The following TPRG1 variants were observed in gnomAD, a reference collection of about 807,000 sequenced individuals.
TPRG1 encodes tumor protein p63-regulated gene 1 protein.
In TPRG1, 29 loss-of-function variants were observed where a neutral mutation model predicts 29.3. That is an observed-to-expected ratio of 0.99 (90% CI 0.74 to 1.35). The LOEUF (loss-of-function observed/expected upper bound fraction) is 1.35. Ranked by LOEUF, TPRG1 falls within the 40% of genes most tolerant of loss-of-function variation. The probability of loss-of-function intolerance (pLI) is 0.00; values close to 1 mark genes in which losing one functional copy is unlikely to be tolerated. For synonymous variants in TPRG1, 130 were observed against 116.8 expected (o/e 1.11, Z -0.73); for missense variants, 327 against 335.0 (o/e 0.98, Z 0.19).
chr3:189,153,492 T>TGTGGCC (rs1365131705), intron 5 of TPRG1, among the ~76,000 whole-genome samples: 2 of 152,094 alleles, frequency 1.3e-5, no homozygotes, highest in African/African-American at 4.8e-5. Context: ...AGGCAAGGTA[T>TGTGGCC]CTTGGATTTG....
rs548635519 is a variant in TPRG1 at position 189,157,499 on chromosome 3, G to C, written c.-10+6627G>C. Among the ~76,000 whole-genome samples, 15 of 152,256 alleles carry C rather than the reference G, an allele frequency of 9.9e-5. No individual in the cohort carries two copies. In the East Asian group the frequency reaches 1.4e-3, roughly 14 times the overall value. Reference sequence around the variant, plus strand: ...TCAAGTGCCAGGAACTCAGTGAGGGGCACTCTCCTTCTGACTTGGAGCTCT... The same window carrying C: ...TCAAGTGCCAGGAACTCAGTGAGGGCCACTCTCCTTCTGACTTGGAGCTCT... On this transcript the variant is annotated intron_variant, in intron 5 of 6. Coordinates refer to the TPRG1 transcript ENST00000412373.
intron 4 of TPRG1, among the ~76,000 whole-genome samples, chr3:189,241,462 T>G (rs1361380682): frequency 6.6e-6 from 1 of 152,156 alleles, no homozygotes; most frequent in Non-Finnish European, 1.5e-5. Flanking sequence ...ATTTTTTTCT[T>G]ATTGATTTGT....
chr3:189,283,481 TC>T (rs1440600779), intron 4 of TPRG1, among the ~76,000 whole-genome samples: 1 of 152,268 alleles, frequency 6.6e-6, no homozygotes, highest in African/African-American at 2.4e-5. Context: ...AATTTTTGAT[TC>T]TGTGATATCA....
intron 5 of TPRG1, among the ~76,000 whole-genome samples, chr3:189,158,977 A>G (rs57473767): frequency 0.13 from 20,115 of 151,074 alleles, 1,751 homozygotes; most frequent in African/African-American, 0.25. Flanking sequence ...AGACAAAGGC[A>G]ATTTTCCTCT....
At chr3:189,288,224 AAATG>A (rs1381994712) in intron 4 of TPRG1, among the ~76,000 whole-genome samples, 1 of 152,172 alleles carries the variant, frequency 6.6e-6, no homozygotes, top group African/African-American at 2.4e-5. Flanking sequence ...ACTTTTTAAA[AAATG>A]AATAACATTG....
intron 4 of TPRG1, among the ~76,000 whole-genome samples, chr3:189,055,673 G>C (rs1321156743): frequency 6.6e-6 from 1 of 152,118 alleles, no homozygotes; most frequent in East Asian, 1.9e-4. Context: ...GGCCATTTGA[G>C]AACAGCCCTC....
chr3:189,161,002 C>T (rs1167690843), intron 5 of TPRG1, among the ~76,000 whole-genome samples: 6 of 152,216 alleles, frequency 3.9e-5, no homozygotes, highest in African/African-American at 1.4e-4. Context: ...TGGCTTTGCC[C>T]TGTGGCATGG....
intron 4 of TPRG1, among the ~76,000 whole-genome samples, chr3:189,078,057 TTC>T (rs1560430602): frequency 2.3e-4 from 33 of 143,662 alleles, no homozygotes; most frequent in African/African-American, 9.1e-4. Context: ...CCTTCCTTCC[TTC>T]CTTTCTCTCC....
rs562530181 is a variant in TPRG1 at position 189,136,681 on chromosome 3, C to T, written c.-291+3984C>T. ...TCTGCCCTGCCTCTCACTCTCGTTACAGCGCTGGGCCTCATCAAGGTTATT... is the reference window on the plus strand; with the variant it reads ...TCTGCCCTGCCTCTCACTCTCGTTATAGCGCTGGGCCTCATCAAGGTTATT... On this transcript the variant is annotated intron_variant, in intron 3 of 6. Transcript: ENST00000412373. Among the ~76,000 whole-genome samples, 5 of 152,300 alleles carry T rather than the reference C, an allele frequency of 3.3e-5. No homozygotes were observed. In the East Asian group the frequency reaches 7.7e-4, roughly 24 times the overall value.
At chr3:189,270,686 A>T (rs1340008585) in intron 4 of TPRG1, among the ~76,000 whole-genome samples, 2 of 152,222 alleles carry the variant, frequency 1.3e-5, no homozygotes, top group Non-Finnish European at 2.9e-5. Flanking sequence ...GAGACACTGT[A>T]TTCGGCTCTT....
At chr3:189,070,868 T>C (rs2152153811) in intron 4 of TPRG1, among the ~76,000 whole-genome samples, 1 of 152,180 alleles carries the variant, frequency 6.6e-6, no homozygotes, top group African/African-American at 2.4e-5. Context: ...GTGTGACCAT[T>C]GTTTAAACTG....
intron 1 of TPRG1, among the ~76,000 whole-genome samples, chr3:188,997,706 A>C (rs965559142): frequency 1.6e-4 from 25 of 152,298 alleles, no homozygotes; most frequent in Non-Finnish European, 3.4e-4. Flanking sequence ...TTCCTGAAAC[A>C]AAGTTTATCA....
At chr3:189,056,020 C>CCCTCCG (rs1560417766) in intron 4 of TPRG1, among the ~76,000 whole-genome samples, 1 of 128,208 alleles carries the variant, frequency 7.8e-6, no homozygotes, top group African/African-American at 3.0e-5. Context: ...CCCTCCCTCC[C>CCCTCCG]TTCCCTCCCT....
chr3:189,153,832 CA>C (rs1726282657), intron 5 of TPRG1, among the ~76,000 whole-genome samples: 1 of 152,094 alleles, frequency 6.6e-6, no homozygotes. Flanking sequence ...ACAAGAGGAC[CA>C]TATCTGGACT....
In TPRG1 at chr3:189,238,833, C is replaced by T; in HGVS notation, c.403C>T (p.Leu135=). 1.2e-6 allele frequency: 2 copies of T among 1,613,796 alleles called. No individual in the cohort carries two copies. The stretch of plus-strand genomic sequence containing the variant: ...CTTCATCATGCTGAGTTGTGTGCAG[C>T]TGCAGCGGATTCCTCTGAGCGCTGT... ...YDFIMLSCVQ[L]QRIPLSAVYR... The change falls in exon 4 of 6, where the codon CTG becomes TTG. Residue 135 remains leucine (L), a synonymous_variant. Coordinates refer to ENST00000345063, the MANE Select transcript of TPRG1 (RefSeq NM_198485.4).
At chr3:189,286,372 A>G (rs1168731109) in intron 4 of TPRG1, among the ~76,000 whole-genome samples, 1 of 152,108 alleles carries the variant, frequency 6.6e-6, no homozygotes, top group African/African-American at 2.4e-5. Flanking sequence ...CCATGCCAGA[A>G]GGTAAGCTGT....
intron 1 of TPRG1, among the ~76,000 whole-genome samples, chr3:188,999,659 G>A (rs1711938705): frequency 6.6e-6 from 1 of 151,996 alleles, no homozygotes; most frequent in South Asian, 2.1e-4. Flanking sequence ...AAGTACTTAG[G>A]AAAATGCCTG....
chr3:189,284,450 T>C (rs1218211253), intron 4 of TPRG1, among the ~76,000 whole-genome samples: 5 of 149,582 alleles, frequency 3.3e-5, no homozygotes, highest in Non-Finnish European at 7.4e-5. Flanking sequence ...TGAGAACATG[T>C]GGTGTTTGGT....
At chr3:189,058,813 T>C (rs1192764599) in intron 4 of TPRG1, among the ~76,000 whole-genome samples, 1 of 152,220 alleles carries the variant, frequency 6.6e-6, no homozygotes, top group African/African-American at 2.4e-5. Context: ...GAATGCTTTA[T>C]GCTTTTGCTG....
Sources: gnomAD v4.1 joint callset for allele counts (sites outside exome capture counted in the v4.1 genomes callset) on GRCh38, gnomAD v4.1.1 for gene constraint, MANE v1.5 for transcripts, NCBI Gene and HGNC (gene_info 2026-07-23, HGNC 2026-07-21) for gene names.